The following CDC42EP5 variants were observed in gnomAD, a reference collection of about 807,000 sequenced individuals.
CDC42EP5 encodes CDC42 effector protein (Rho GTPase binding) 5.
For missense variants in CDC42EP5, 269 were observed against 238.0 expected (o/e 1.13, Z -0.86); for synonymous variants, 118 against 123.3 (o/e 0.96, Z 0.28).
At chr19:54,468,942 TCC>T (rs2084797578) in intron 2 of CDC42EP5, among the ~76,000 whole-genome samples, 3 of 149,610 alleles carry the variant, frequency 2.0e-5, no homozygotes. Context: ...TTTTCTTCCC[TCC>T]CTCCCTCCTT....
rs982478568 is a variant in CDC42EP5, at chr19:54,465,184, C to T, written c.364G>A (p.Glu122Lys). 2.8e-6 allele frequency: 4 copies of T among 1,427,770 alleles called. No homozygotes were observed. Among genetic ancestry groups the T allele is most frequent in the South Asian group, 1.4e-5 (1 of 69,064 alleles). 88.4% of individuals were successfully genotyped at this position (1,427,770 alleles called of 1,614,324 possible). ...PEAAAAKPDAEPRPGTQPPQA... is the reference protein window; with the variant it reads ...PEAAAAKPDAKPRPGTQPPQA... ...GGGGGCTGCGTCCCGGGGCGGGGTT[C>T]CGCGTCGGGCTTGGCGGCAGCCGCC... Residue 122 changes from glutamate (E) to lysine (K), a missense_variant, in exon 3 of 3, where the codon GAA (glutamate) becomes AAA (lysine). Glu to Lys is a moderately conservative substitution (Grantham distance 56, BLOSUM62 1). Coordinates refer to ENST00000301200, the MANE Select transcript of CDC42EP5 (RefSeq NM_145057.4).
intron 2 of CDC42EP5, among the ~76,000 whole-genome samples, chr19:54,469,891 G>A (rs1479697284): frequency 2.6e-5 from 4 of 151,914 alleles, no homozygotes; most frequent in Non-Finnish European, 4.4e-5. Flanking sequence ...CATGCACCTC[G>A]CATCCCCCTT....
In CDC42EP5 at chr19:54,469,215, C is replaced by T. The variant is rs865804484; in HGVS notation, c.-1+2330G>A. Among the ~76,000 whole-genome samples the T allele has an allele frequency of 5.3e-5, 8 of 151,740 alleles. 1 individual carries two copies. Among genetic ancestry groups the T allele is most frequent in the Admixed American group, 2.0e-4 (3 of 15,202 alleles). ...TTCACCATGTTGGCCAGGCTGGTCTCGAACTCCTGATCTCGTGATCTGCCC... is the reference window on the plus strand; with the variant it reads ...TTCACCATGTTGGCCAGGCTGGTCTTGAACTCCTGATCTCGTGATCTGCCC... On this transcript the variant is annotated intron_variant, in intron 2 of 2. Transcript: ENST00000301200.
In CDC42EP5 at chr19:54,465,101, C is replaced by A. The variant is rs866108360; in HGVS notation, c.447G>T (p.Ter149TyrextTer18). Residue 149 changes from the stop codon to tyrosine, a stop_lost, in exon 3 of 3, where the codon TAG becomes TAT. Coordinates refer to ENST00000301200, the MANE Select transcript of CDC42EP5 (RefSeq NM_145057.4). ...GGAAGGGCGCGGGGAATGAGGGAAC[C>A]TAGAGGCCGATGACGTCGTTCAGCT... ...DLELNDVIGL* is the reference protein window; with the variant it reads ...DLELNDVIGLY 1 of 1,362,650 alleles carries A rather than the reference C, an allele frequency of 7.3e-7. No individual in the cohort carries two copies. Among genetic ancestry groups the A allele is most frequent in the East Asian group, 3.0e-5 (1 of 33,696 alleles). The allele number at this position is 1,362,650 out of a possible 1,614,324, so 84.4% of individuals were successfully genotyped here. A position where few individuals can be genotyped will look rare whatever the true frequency, so the allele number is the denominator to read the frequency against.
chr19:54,472,558 C>T (rs1368825012), intron 1 of CDC42EP5, among the ~76,000 whole-genome samples: 5 of 59,712 alleles, frequency 8.4e-5, no homozygotes, highest in Non-Finnish European at 1.6e-4. Flanking sequence ...CCAGCCCCTC[C>T]TCCCTCAGAC....
chr19:54,465,603 G>T, intron 2 of CDC42EP5, 56 bp from the exon 3 acceptor site: 3 of 1,392,392 alleles, frequency 2.2e-6, no homozygotes, highest in South Asian at 3.0e-5. Context: ...GCAGCCACGC[G>T]ACTGCTCAAA....
chr19:54,465,591 T>C, intron 2 of CDC42EP5, 44 bp from the exon 3 acceptor site: 1 of 1,410,000 alleles, frequency 7.1e-7, no homozygotes, highest in Non-Finnish European at 9.2e-7. Context: ...AGCCCGGGGC[T>C]CGCAGCCACG....
rs762493539 is a variant in CDC42EP5, at chr19:54,465,434, G to A, written c.114C>T (p.Arg38=). ...AGGTGTCCCCGAAGGCGTCGCCGCC[G>A]CGCCCCACGTGCAGCGTGTGCCGGA... ...GDFRHTLHVG[R]GGDAFGDTSF... The change falls in exon 3 of 3, where the codon CGC becomes CGT. Residue 38 remains arginine (R), a synonymous_variant. Coordinates refer to ENST00000301200, the MANE Select transcript of CDC42EP5 (RefSeq NM_145057.4). 6 of 1,488,834 alleles carry A rather than the reference G, an allele frequency of 4.0e-6. No individual in the cohort carries two copies. Among genetic ancestry groups the A allele is most frequent in the Middle Eastern group, 2.1e-4 (1 of 4,668 alleles). The allele number at this position is 1,488,834 out of a possible 1,614,324, so 92.2% of individuals were successfully genotyped here. A position where few individuals can be genotyped will look rare whatever the true frequency, so the allele number is the denominator to read the frequency against.
chr19:54,467,043 G>A (rs2084764706), intron 2 of CDC42EP5, among the ~76,000 whole-genome samples: 1 of 149,882 alleles, frequency 6.7e-6, no homozygotes, highest in Non-Finnish European at 1.5e-5. Flanking sequence ...TGCCCGCCTC[G>A]GCCTCCCGAA....
At position 54,467,693 on chromosome 19, in the gene CDC42EP5, T is replaced by G. The variant is rs530629979; in HGVS notation, c.1-2146A>C. Among the ~76,000 whole-genome samples the G allele has an allele frequency of 9.2e-5, 14 of 152,210 alleles. No individual in the cohort carries two copies. The East Asian group carries it at 2.5e-3, about 27-fold the overall frequency. ...GTGCGCTGCCATGCCCTGCAAATTT[T>G]TGTATTTTTAGTAGAGATGAGGTTT... On this transcript the variant is annotated intron_variant, in intron 2 of 2. Transcript: ENST00000301200.
chr19:54,465,632 C>T (rs945457982), intron 2 of CDC42EP5, 85 bp from the exon 3 acceptor site: 2 of 1,313,672 alleles, frequency 1.5e-6, no homozygotes, highest in East Asian at 3.2e-5. Flanking sequence ...GGGGACGGTT[C>T]CCGTTTTTTG....
Position 54,465,110 on chromosome 19 carries a change from G to A in CDC42EP5, c.438C>T (p.Ile146=), listed in dbSNP as rs2084726384. The part of the protein sequence containing the change: ...PNADLELNDV[I]GL ...CGGGGAATGAGGGAACCTAGAGGCCGATGACGTCGTTCAGCTCGAGGTCCG... is the reference window on the plus strand; with the variant it reads ...CGGGGAATGAGGGAACCTAGAGGCCAATGACGTCGTTCAGCTCGAGGTCCG... Residue 146 remains isoleucine, a synonymous_variant, in exon 3 of 3, where the codon ATC becomes ATT. Coordinates refer to ENST00000301200, the MANE Select transcript of CDC42EP5 (RefSeq NM_145057.4). 2.9e-6 allele frequency: 4 copies of A among 1,376,134 alleles called. No homozygotes were observed. Among genetic ancestry groups the A allele is most frequent in the Non-Finnish European group, 3.7e-6 (4 of 1,067,886 alleles). 85.2% of individuals were successfully genotyped at this position (1,376,134 alleles called of 1,614,324 possible).
chr19:54,469,485 T>A lies in CDC42EP5; in HGVS notation c.-1+2060A>T, dbSNP rs540395659. ...AATTCAGAAAGTCCATTGCACAGGT[T>A]TGAATCTGGCTGTGCTGATCGCTCT... On this transcript the variant is annotated intron_variant, in intron 2 of 2. Coordinates refer to ENST00000301200, the MANE Select transcript of CDC42EP5 (RefSeq NM_145057.4). Among the ~76,000 whole-genome samples the A allele has an allele frequency of 2.6e-5, 4 of 152,354 alleles. No individual in the cohort carries two copies. The East Asian group carries it at 7.7e-4, about 29-fold the overall frequency.
In CDC42EP5 at chr19:54,465,355, CG is replaced by C. The variant is rs1472935141; in HGVS notation, c.192del (p.Ala65ArgfsTer78). The C allele has an allele frequency of 1.7e-6, 2 of 1,155,310 alleles. No individual in the cohort carries two copies. The highest frequency in any genetic ancestry group is 4.2e-5 in the South Asian group (1 of 23,610). The allele number at this position is 1,155,310 out of a possible 1,614,324, so 71.6% of individuals were successfully genotyped here. ...GGCGGCGGGGAGCGCGGGGCCCCCG[CG>C]GGGGGCGCCCGGGGCTCGGGGGGCG... ...GGPPPEPRAP[P>X]AGAPRSPPPP... On this transcript the variant is annotated frameshift_variant, in exon 3 of 3. Coordinates refer to ENST00000301200, the MANE Select transcript of CDC42EP5 (RefSeq NM_145057.4). LOFTEE classifies it low-confidence loss of function (END_TRUNC).
chr19:54,472,793 G>T (rs2084863736), intron 1 of CDC42EP5, among the ~76,000 whole-genome samples: 1 of 88,112 alleles, frequency 1.1e-5, no homozygotes. Flanking sequence ...CTCAGACTCA[G>T]GGGTCCAGAC....
intron 2 of CDC42EP5, among the ~76,000 whole-genome samples, chr19:54,471,321 C>G (rs900122880): frequency 8.5e-5 from 13 of 152,126 alleles, no homozygotes; most frequent in African/African-American, 3.1e-4. Flanking sequence ...AGTCCCGGCC[C>G]CGCCAGGACG....
rs2084738908 is a variant in CDC42EP5 at position 54,465,424 on chromosome 19, C to T, written c.124G>A (p.Ala42Thr). ...HTLHVGRGGD[A>T]FGDTSFLSRH... ...CTCAGGAACGAGGTGTCCCCGAAGG[C>T]GTCGCCGCCGCGCCCCACGTGCAGC... The change falls in exon 3 of 3, where the codon GCC (alanine) becomes ACC (threonine). Residue 42 changes from alanine (A) to threonine (T), a missense_variant. Transcript: ENST00000301200. The T allele has an allele frequency of 2.1e-6, 3 of 1,460,524 alleles. No homozygotes were observed. The highest frequency in any genetic ancestry group is 2.7e-6 in the Non-Finnish European group (3 of 1,112,146). 90.5% of individuals were successfully genotyped at this position (1,460,524 alleles called of 1,614,324 possible).
chr19:54,468,640 C>G (rs2084786603), intron 2 of CDC42EP5, among the ~76,000 whole-genome samples: 1 of 151,140 alleles, frequency 6.6e-6, no homozygotes, highest in South Asian at 2.1e-4. Context: ...GCCTCCCGGA[C>G]TCAAGCGATC....
chr19:54,467,951 G>A (rs1191512486), intron 2 of CDC42EP5, among the ~76,000 whole-genome samples: 3 of 152,144 alleles, frequency 2.0e-5, no homozygotes, highest in Non-Finnish European at 4.4e-5. Context: ...CACTGTTATC[G>A]CAATAATAAA....
Sources: allele counts gnomAD v4.1 joint callset (sites outside exome capture counted in the v4.1 genomes callset), GRCh38; gene constraint gnomAD v4.1.1; transcripts MANE v1.5; gene names NCBI Gene and HGNC (gene_info 2026-07-23, HGNC 2026-07-21).